The following PLD5 variants were observed in gnomAD, a reference collection of about 807,000 sequenced individuals.
PLD5 encodes inactive phospholipase D5.
Under a neutral mutation model 61.1 loss-of-function variants are expected in PLD5, and 36 were observed. The ratio of observed to expected loss-of-function variants is 0.59; its 90% CI spans 0.45 to 0.78. The LOEUF (loss-of-function observed/expected upper bound fraction) is 0.78. PLD5 is among the 30% of genes least tolerant of loss of function. PLD5 has a pLI of 0.00. For synonymous variants in PLD5, 243 were observed against 242.8 expected, an observed-to-expected ratio of 1.00 and a Z score of -0.01; for missense variants, 515 against 644.4, an observed-to-expected ratio of 0.80 and a Z score of 2.17.
At chr1:242,318,168 G>A (rs1383964967) in intron 2 of PLD5, among the ~76,000 whole-genome samples, 1 of 152,202 alleles carries the variant, frequency 6.6e-6, no homozygotes, top group East Asian at 1.9e-4. Context: ...GTGCCCTGGG[G>A]CTGTGAAGGA....
intron 5 of PLD5, among the ~76,000 whole-genome samples, chr1:242,201,220 GTGT>G (rs557227602): frequency 8.6e-4 from 131 of 152,262 alleles, no homozygotes; most frequent in Non-Finnish European, 1.7e-3. Context: ...GACAGAATTG[GTGT>G]TGGTGAATTC....
At chr1:242,096,962 A>C (rs1574286482) in intron 9 of PLD5, among the ~76,000 whole-genome samples, 1 of 127,808 alleles carries the variant, frequency 7.8e-6, no homozygotes. Flanking sequence ...GTGTGTTCTC[A>C]TTTTTCAATT....
At chr1:242,509,096 G>C (rs574042962) in intron 1 of PLD5, among the ~76,000 whole-genome samples, 1 of 151,568 alleles carries the variant, frequency 6.6e-6, no homozygotes, top group Admixed American at 6.6e-5. Flanking sequence ...AAATAAATAG[G>C]CTGGGAGTGG....
chr1:242,498,031 C>T (rs1049986731), intron 1 of PLD5, among the ~76,000 whole-genome samples: 5 of 152,174 alleles, frequency 3.3e-5, no homozygotes, highest in Admixed American at 2.0e-4. Flanking sequence ...ATGATGCGAT[C>T]TCAGCTCACT....
intron 4 of PLD5, among the ~76,000 whole-genome samples, chr1:242,253,058 G>C (rs555061721): frequency 6.7e-6 from 1 of 149,560 alleles, no homozygotes; most frequent in South Asian, 2.1e-4. Flanking sequence ...CTCATGATCC[G>C]CTTGCCTTGG....
At chr1:242,091,621 T>C (rs1213790274) in intron 9 of PLD5, among the ~76,000 whole-genome samples, 1 of 152,198 alleles carries the variant, frequency 6.6e-6, no homozygotes, top group Non-Finnish European at 1.5e-5. Flanking sequence ...AGAATGTCAT[T>C]ACACCAAGAA....
intron 2 of PLD5, chr1:242,345,664 A>C (rs1022506094): frequency 7.4e-6 from 6 of 809,272 alleles, no homozygotes; most frequent in Non-Finnish European, 1.1e-5. Context: ...ATCAACACTG[A>C]CCTAAAGCCC....
chr1:242,252,811 AGT>A (rs1217124074), intron 4 of PLD5, among the ~76,000 whole-genome samples: 2 of 140,158 alleles, frequency 1.4e-5, no homozygotes, highest in African/African-American at 2.6e-5. Flanking sequence ...ATTCCTCTTC[AGT>A]GCCTTTTTTT....
intron 1 of PLD5, among the ~76,000 whole-genome samples, chr1:242,499,773 A>G (rs748040377): frequency 1.3e-5 from 2 of 149,684 alleles, no homozygotes; most frequent in Non-Finnish European, 2.9e-5. Context: ...TGGATTGTGC[A>G]GGCAGGAATT....
At chr1:242,457,363 G>A (rs189549853) in intron 1 of PLD5, among the ~76,000 whole-genome samples, 5 of 152,268 alleles carry the variant, frequency 3.3e-5, no homozygotes, top group African/African-American at 9.6e-5. Flanking sequence ...CATTGCTCAC[G>A]TTAAATTTTC....
intron 5 of PLD5, among the ~76,000 whole-genome samples, chr1:242,138,838 G>A (rs1663946958): frequency 6.6e-6 from 1 of 152,112 alleles, no homozygotes; most frequent in Admixed American, 6.5e-5. Flanking sequence ...CCACACACCT[G>A]TGCCTCTTAC....
rs552779905 is a variant in PLD5 at position 242,243,064 on chromosome 1, A to G, written c.607+22273T>C. 2.2e-3 allele frequency among the ~76,000 whole-genome samples: 331 copies of G among 152,358 alleles called. 1 individual carries two copies. Among genetic ancestry groups the G allele is most frequent in the African/African-American group, 7.7e-3 (321 of 41,590 alleles). On this transcript the variant is annotated intron_variant, in intron 4 of 9. Coordinates refer to ENST00000536534, the MANE Select transcript of PLD5 (RefSeq NM_001372062.1). ...GGCAATTTCATCTGAGGAACTAAAC[A>G]GAGTCCTAAAACAGTAAAAATAAGG...
At chr1:242,175,067 T>C (rs753021985) in intron 5 of PLD5, among the ~76,000 whole-genome samples, 3 of 151,654 alleles carry the variant, frequency 2.0e-5, no homozygotes, top group African/African-American at 4.8e-5. Flanking sequence ...TTCCAAACAA[T>C]AGAAAAAGAG....
intron 4 of PLD5, among the ~76,000 whole-genome samples, chr1:242,261,956 C>T (rs1447978597): frequency 2.0e-5 from 3 of 152,156 alleles, no homozygotes; most frequent in Non-Finnish European, 4.4e-5. Context: ...CCTATTATGT[C>T]AGCAATCCCA....
chr1:242,222,625 G>A (rs979956661), intron 4 of PLD5, among the ~76,000 whole-genome samples: 2 of 152,188 alleles, frequency 1.3e-5, no homozygotes, highest in Non-Finnish European at 1.5e-5. Flanking sequence ...GTCCTCATCT[G>A]TTGTCACACA....
chr1:242,162,377 A>G (rs1222387812), intron 5 of PLD5, among the ~76,000 whole-genome samples: 1 of 152,164 alleles, frequency 6.6e-6, no homozygotes, highest in Non-Finnish European at 1.5e-5. Flanking sequence ...GTACTAATTT[A>G]TCAGTTGAAA....
chr1:242,288,009 G>A (rs1445480044), intron 3 of PLD5, among the ~76,000 whole-genome samples: 2 of 152,174 alleles, frequency 1.3e-5, no homozygotes, highest in Admixed American at 6.5e-5. Flanking sequence ...TACAGAATTA[G>A]AACTGTAAAC....
At chr1:242,220,872 G>A (rs1311027229) in intron 4 of PLD5, among the ~76,000 whole-genome samples, 1 of 152,000 alleles carries the variant, frequency 6.6e-6, no homozygotes, top group Non-Finnish European at 1.5e-5. Flanking sequence ...GAGTAGCTGG[G>A]ATTACAGGCA....
At chr1:242,096,093 G>C (rs374432843) in intron 9 of PLD5, among the ~76,000 whole-genome samples, 48 of 151,966 alleles carry the variant, frequency 3.2e-4, no homozygotes, top group African/African-American at 1.1e-3. Context: ...CAAGTAGCTG[G>C]GAATACAGGT....
Sources: allele counts gnomAD v4.1 joint callset (sites outside exome capture counted in the v4.1 genomes callset), GRCh38; gene constraint gnomAD v4.1.1; transcripts MANE v1.5; gene names NCBI Gene and HGNC (gene_info 2026-07-23, HGNC 2026-07-21).